GPC6: variants seen among roughly 807,000 people sequenced by gnomAD.
GPC6 encodes glypican 6, also known as glypican-6.
A neutral mutation model predicts 55.2 loss-of-function variants in GPC6; 14 were observed. That is an observed-to-expected ratio of 0.25 (90% CI 0.17 to 0.40). The LOEUF (loss-of-function observed/expected upper bound fraction) is 0.40, where lower values mean the gene tolerates loss of function less well. Ranked by LOEUF, GPC6 falls within the 10% of genes least tolerant of loss-of-function variation. The pLI is 1.00. For synonymous variants in GPC6, 278 were observed against 259.6 expected, an observed-to-expected ratio of 1.07 and a Z score of -0.68; for missense variants, 641 against 708.5, an observed-to-expected ratio of 0.90 and a Z score of 1.08.
At chr13:93,710,504 G>A (rs904530968) in intron 2 of GPC6, among the ~76,000 whole-genome samples, 25 of 151,794 alleles carry the variant, frequency 1.6e-4, no homozygotes, top group African/African-American at 5.8e-4. Flanking sequence ...AATGGTATGT[G>A]TAGGAGAGCA....
At chr13:93,936,923 A>G (rs143635636) in intron 3 of GPC6, among the ~76,000 whole-genome samples, 394 of 152,314 alleles carry the variant, frequency 2.6e-3, no homozygotes, top group African/African-American at 9.3e-3. Flanking sequence ...TTAGAAACCC[A>G]TCAGATATTT....
chr13:93,478,282 T>C (rs1431613530), intron 1 of GPC6, among the ~76,000 whole-genome samples: 1 of 152,208 alleles, frequency 6.6e-6, no homozygotes, highest in South Asian at 2.1e-4. Context: ...TTTCTTCAGT[T>C]CTTCTCTTTA....
At chr13:94,303,073 C>T (rs564414109) in intron 5 of GPC6, among the ~76,000 whole-genome samples, 2 of 152,212 alleles carry the variant, frequency 1.3e-5, no homozygotes, top group Non-Finnish European at 2.9e-5. Context: ...GGGTCTGCAA[C>T]GGCAGCAAAC....
At chr13:94,011,582 T>C (rs1882246938) in intron 3 of GPC6, among the ~76,000 whole-genome samples, 1 of 152,200 alleles carries the variant, frequency 6.6e-6, no homozygotes, top group Non-Finnish European at 1.5e-5. Context: ...TCTCGGAATA[T>C]GTTTACTTAA....
intron 1 of GPC6, among the ~76,000 whole-genome samples, chr13:93,405,328 A>T (rs1264614808): frequency 1.3e-5 from 2 of 152,152 alleles, no homozygotes; most frequent in Non-Finnish European, 2.9e-5. Context: ...AAGGTATGGG[A>T]TTCAAAAATG....
intron 2 of GPC6, among the ~76,000 whole-genome samples, chr13:93,809,350 G>C (rs1886630483): frequency 6.6e-6 from 1 of 152,186 alleles, no homozygotes; most frequent in African/African-American, 2.4e-5. Flanking sequence ...CTTCATTTCA[G>C]TTAAGACTTT....
intron 1 of GPC6, among the ~76,000 whole-genome samples, chr13:93,277,433 G>A (rs149301736): frequency 7.2e-5 from 11 of 152,178 alleles, no homozygotes; most frequent in African/African-American, 2.2e-4. Context: ...TAGAAATGAC[G>A]AATGCTGGTA....
chr13:93,951,388 A>G (rs376992302), intron 3 of GPC6, among the ~76,000 whole-genome samples: 80 of 152,250 alleles, frequency 5.3e-4, no homozygotes, highest in African/African-American at 1.8e-3. Flanking sequence ...CAATTTTGCC[A>G]TCTTCCTCAT....
At chr13:93,401,572 TACAC>T (rs1876079401) in intron 1 of GPC6, among the ~76,000 whole-genome samples, 3 of 151,850 alleles carry the variant, frequency 2.0e-5, no homozygotes, top group African/African-American at 7.3e-5. Flanking sequence ...TCTACTCTCT[TACAC>T]AGTGTGATTA....
intron 3 of GPC6, among the ~76,000 whole-genome samples, chr13:93,960,881 C>G (rs1203853894): frequency 6.8e-6 from 1 of 147,796 alleles, no homozygotes; most frequent in Admixed American, 6.9e-5. Flanking sequence ...GGCGCAATCT[C>G]GACTCACTGC....
At chr13:93,381,629 C>T (rs928499135) in intron 1 of GPC6, among the ~76,000 whole-genome samples, 4 of 152,090 alleles carry the variant, frequency 2.6e-5, no homozygotes, top group African/African-American at 9.7e-5. Flanking sequence ...GTCATTGAGT[C>T]ATTGCAATGG....
intron 1 of GPC6, among the ~76,000 whole-genome samples, chr13:93,293,212 C>T (rs1401456194): frequency 6.6e-6 from 1 of 151,618 alleles, no homozygotes; most frequent in African/African-American, 2.4e-5. Flanking sequence ...AAGTTCCTTT[C>T]GTGAGTAGCT....
At position 93,562,865 on chromosome 13, in the gene GPC6, G is replaced by C. The variant is rs2139460961; in HGVS notation, c.319+17444G>C. Among the ~76,000 whole-genome samples the C allele has an allele frequency of 2.0e-5, 3 of 152,178 alleles. No homozygotes were observed. In the Middle Eastern group the frequency reaches 0.01, roughly 518 times the overall value. On this transcript the variant is annotated intron_variant, in intron 2 of 8. Coordinates refer to ENST00000377047, the MANE Select transcript of GPC6 (RefSeq NM_005708.5). ...ATTACCTTTTCTGTTTCATACTTGA[G>C]GAAGTTCTTACTTAGAAACATTAGG... is the stretch of plus-strand genomic sequence containing the variant.
At chr13:93,855,274 T>C (rs2139018220) in intron 3 of GPC6, among the ~76,000 whole-genome samples, 1 of 151,816 alleles carries the variant, frequency 6.6e-6, no homozygotes, top group South Asian at 2.1e-4. Context: ...TTGGGAATTC[T>C]ACAGTATGTA....
At chr13:94,257,823 C>A (rs78930444) in intron 4 of GPC6, among the ~76,000 whole-genome samples, 6 of 152,260 alleles carry the variant, frequency 3.9e-5, no homozygotes, top group African/African-American at 9.6e-5. Context: ...TATTGAGAAA[C>A]TAAGTCAAAA....
chr13:94,218,547 A>G (rs1239574693), intron 4 of GPC6, among the ~76,000 whole-genome samples: 2 of 152,086 alleles, frequency 1.3e-5, no homozygotes, highest in Non-Finnish European at 2.9e-5. Context: ...TCTACTTGTT[A>G]AATTGTTTTT....
intron 3 of GPC6, among the ~76,000 whole-genome samples, chr13:93,903,415 C>G (rs1876470074): frequency 1.3e-5 from 2 of 152,144 alleles, no homozygotes; most frequent in African/African-American, 2.4e-5. Context: ...TCTTACCTTG[C>G]TGCAGAACTT....
Position 93,948,010 on chromosome 13 carries a change from T to A in GPC6, c.712-79719T>A, listed in dbSNP as rs74529316. On this transcript the variant is annotated intron_variant, in intron 3 of 8. Coordinates refer to ENST00000377047, the MANE Select transcript of GPC6 (RefSeq NM_005708.5). ...CCCTAATTATTTGGCAATATTATTG[T>A]ATCCTGTGTTGTAACTTGCAGGATA... 7.0e-3 allele frequency among the ~76,000 whole-genome samples: 1,062 copies of A among 152,310 alleles called. 14 individuals are homozygous for A. Among genetic ancestry groups the A allele is most frequent in the African/African-American group, 0.024 (1,018 of 41,574 alleles).
chr13:94,175,634 A>T (rs2138936999), intron 4 of GPC6, among the ~76,000 whole-genome samples: 1 of 152,110 alleles, frequency 6.6e-6, no homozygotes, highest in African/African-American at 2.4e-5. Context: ...GGAGTATGAG[A>T]GTCTAGATGT....
Sources: allele counts gnomAD v4.1 joint callset (sites outside exome capture counted in the v4.1 genomes callset), GRCh38; gene constraint gnomAD v4.1.1; transcripts MANE v1.5; gene names NCBI Gene and HGNC (gene_info 2026-07-23, HGNC 2026-07-21).